MAMLD1: variants seen among roughly 807,000 people sequenced by gnomAD.
MAMLD1 encodes mastermind like domain containing 1, also known as mastermind-like domain-containing protein 1.
In MAMLD1, 14 loss-of-function variants were observed where a neutral mutation model predicts 45.0. That is an observed-to-expected ratio of 0.31 (90% CI 0.21 to 0.49). The LOEUF is 0.49. MAMLD1 is among the 20% of genes least tolerant of loss of function. The pLI is 0.99. For missense variants in MAMLD1, 543 were observed against 603.6 expected (o/e 0.90, Z 1.05); for synonymous variants, 254 against 247.8 (o/e 1.02, Z -0.24).
At chrX:150,366,045 A>AT (rs1248183866) in intron 1 of MAMLD1, among the ~76,000 whole-genome samples, 1 of 111,973 alleles carries the variant, frequency 8.9e-6, no homozygotes, top group African/African-American at 3.3e-5. Flanking sequence ...GGTGTCTCTC[A>AT]TAGAGTTTGT....
intron 5 of MAMLD1, among the ~76,000 whole-genome samples, chrX:150,474,647 G>T (rs1393198125): frequency 2.7e-5 from 3 of 112,026 alleles, no homozygotes; most frequent in Non-Finnish European, 5.6e-5. Flanking sequence ...AGCCTTGTGG[G>T]CTCCTTTTGC....
At chrX:150,511,897 C>A in intron 7 of MAMLD1, 107 bp from the exon 8 acceptor site, 1 of 680,882 alleles carries the variant, frequency 1.5e-6, no homozygotes, top group Non-Finnish European at 2.0e-6. Context: ...GAGCCAAGGG[C>A]GGGAGGTGAG....
At chrX:150,427,326 C>G (rs1358336361) in intron 1 of MAMLD1, among the ~76,000 whole-genome samples, 4 of 112,570 alleles carry the variant, frequency 3.6e-5, no homozygotes, top group Non-Finnish European at 7.5e-5. Context: ...TTGAATTACT[C>G]TGCCATCAAC....
intron 5 of MAMLD1, among the ~76,000 whole-genome samples, chrX:150,490,635 A>C (rs1428270221): frequency 9.0e-6 from 1 of 111,705 alleles, no homozygotes; most frequent in Admixed American, 9.5e-5. Flanking sequence ...CTATTTCTTA[A>C]TTTTCTTAGT....
chrX:150,398,308 GAAGAAGAAGAAGAAGAAGAAGAAGAAGAA>G (rs2033557882), intron 1 of MAMLD1, among the ~76,000 whole-genome samples: 3 of 99,078 alleles, frequency 3.0e-5, no homozygotes, highest in African/African-American at 1.1e-4. Context: ...AGAAGAAGAA[GAAGAAGAAGAAGAAGAAGAAGAAGAAGAA>G]GAAGAGGAAG....
intron 2 of MAMLD1, among the ~76,000 whole-genome samples, chrX:150,458,280 C>A (rs2035932194): frequency 8.9e-6 from 1 of 111,743 alleles, no homozygotes; most frequent in Admixed American, 9.5e-5. Context: ...AGACAGGATG[C>A]CCCTCTAGAA....
chrX:150,496,024 G>A (rs782741782), intron 5 of MAMLD1, among the ~76,000 whole-genome samples: 5 of 112,810 alleles, frequency 4.4e-5, no homozygotes, highest in African/African-American at 6.4e-5. Context: ...AACTCTTACT[G>A]TAGTTTTAAT....
intron 1 of MAMLD1, among the ~76,000 whole-genome samples, chrX:150,443,593 G>A (rs1170234698): frequency 1.3e-5 from 1 of 76,036 alleles, no homozygotes; most frequent in Non-Finnish European, 2.3e-5. Context: ...AGTCCCCAGA[G>A]TGTGATGTTT....
chrX:150,424,320 G>T (rs1557403721), intron 1 of MAMLD1, among the ~76,000 whole-genome samples: 6 of 112,603 alleles, frequency 5.3e-5, no homozygotes, highest in Non-Finnish European at 1.1e-4. Flanking sequence ...GGTAGCACAT[G>T]ACGCCCAGAT....
Position 150,512,161 on chromosome X carries a change from G to A in MAMLD1, c.*202G>A. 5 of 1,148,435 alleles carry A rather than the reference G, an allele frequency of 4.4e-6. No individual in the cohort carries two copies. Among genetic ancestry groups the A allele is most frequent in the Non-Finnish European group, 5.8e-6 (5 of 868,843 alleles). 94.6% of individuals were successfully genotyped at this position (1,148,435 alleles called of 1,213,427 possible). ...ACCAGAGCTGCGAGGGCATGGGAGTGATCTCACCAACTCTGGGGAAGCGGC... is the reference window on the plus strand; with the variant it reads ...ACCAGAGCTGCGAGGGCATGGGAGTAATCTCACCAACTCTGGGGAAGCGGC... On this transcript the variant is annotated 3_prime_UTR_variant, in exon 8 of 8. Coordinates refer to ENST00000370401, the MANE Select transcript of MAMLD1 (RefSeq NM_005491.5).
intron 1 of MAMLD1, among the ~76,000 whole-genome samples, chrX:150,432,549 A>C (rs1316113163): frequency 8.9e-6 from 1 of 111,945 alleles, no homozygotes; most frequent in African/African-American, 3.2e-5. Flanking sequence ...TTATAGTTTG[A>C]AGTATTACAT....
intron 1 of MAMLD1, among the ~76,000 whole-genome samples, chrX:150,366,881 T>C (rs1468630157): frequency 9.0e-6 from 1 of 110,654 alleles, no homozygotes; most frequent in Non-Finnish European, 1.9e-5. Flanking sequence ...GGCTGAGAGA[T>C]TTCCAGATGC....
intron 1 of MAMLD1, among the ~76,000 whole-genome samples, chrX:150,425,921 A>T (rs1182828889): frequency 8.9e-6 from 1 of 111,879 alleles, no homozygotes; most frequent in Non-Finnish European, 1.9e-5. Context: ...GCACCCAAAG[A>T]TAGCTGTTAT....
intron 1 of MAMLD1, among the ~76,000 whole-genome samples, chrX:150,398,290 G>GAAGAAGAAGAAGAAGAAC (rs2033544770): frequency 1.2e-5 from 1 of 84,319 alleles, no homozygotes; most frequent in African/African-American, 4.6e-5. Context: ...AGAAGAAGAA[G>GAAGAAGAAGAAGAAGAAC]AAGAAGAAGA....
chrX:150,449,972 G>A (rs1174252968), intron 2 of MAMLD1, among the ~76,000 whole-genome samples: 1 of 111,732 alleles, frequency 8.9e-6, no homozygotes, highest in Admixed American at 9.5e-5. Flanking sequence ...GGCTCAGAAA[G>A]GATGGAGACT....
chrX:150,459,436 C>T (rs1321309549), intron 2 of MAMLD1, among the ~76,000 whole-genome samples: 1 of 110,271 alleles, frequency 9.1e-6, no homozygotes, highest in African/African-American at 3.3e-5. Flanking sequence ...CTCCTTCAAC[C>T]ATTGCCCTAT....
rs190239814 is a variant in MAMLD1 at position 150,392,528 on chromosome X, T to G, written c.-64+28998T>G. Among the ~76,000 whole-genome samples, 409 of 110,733 alleles carry G rather than the reference T, an allele frequency of 3.7e-3. 1 individual carries two copies. Among genetic ancestry groups the G allele is most frequent in the Non-Finnish European group, 6.8e-3 (357 of 52,815 alleles). On this transcript the variant is annotated intron_variant, in intron 1 of 7. Coordinates refer to ENST00000370401, the MANE Select transcript of MAMLD1 (RefSeq NM_005491.5). The stretch of plus-strand genomic sequence containing the variant: ...CCCTGATGGGGAAGTGGTAGCATGC[T>G]TGGGCCCCTGACACCTCTGGGCAGG...
chrX:150,431,645 C>T lies in MAMLD1; in HGVS notation c.-63-13809C>T, dbSNP rs782101682. Reference sequence around the variant, plus strand: ...ATATGTACTCGATGTTTACCTCTGACTTGTAAGTGAGAACATGCAGTTTGT... The same window carrying T: ...ATATGTACTCGATGTTTACCTCTGATTTGTAAGTGAGAACATGCAGTTTGT... On this transcript the variant is annotated intron_variant, in intron 1 of 7. Transcript: ENST00000370401. 3.8e-3 allele frequency among the ~76,000 whole-genome samples: 417 copies of T among 110,744 alleles called. 2 individuals are homozygous for T. The highest frequency in any genetic ancestry group is 5.0e-3 in the Non-Finnish European group (262 of 52,911).
Position 150,473,626 on chromosome X carries a change from G to A in MAMLD1, c.1918-54G>A, listed in dbSNP as rs915540567. 4.2e-6 allele frequency: 5 copies of A among 1,189,449 alleles called. No homozygotes were observed. In the Admixed American group the frequency reaches 1.1e-4, roughly 26 times the overall value. On this transcript the variant is annotated intron_variant, in intron 4 of 7. Coordinates refer to ENST00000370401, the MANE Select transcript of MAMLD1 (RefSeq NM_005491.5). ...CACATAGGACACGGCAGGCCACCTG[G>A]GGCTCGGGCCCTGGTCTGCAGTTCA...
Sources: gnomAD v4.1 joint callset for allele counts (sites outside exome capture counted in the v4.1 genomes callset) on GRCh38, gnomAD v4.1.1 for gene constraint, MANE v1.5 for transcripts, NCBI Gene and HGNC (gene_info 2026-07-23, HGNC 2026-07-21) for gene names.